Variants in SDK1 observed in about 807,000 individuals in gnomAD.
SDK1 encodes sidekick cell adhesion molecule 1, also known as protein sidekick-1.
A neutral mutation model predicts 245.5 loss-of-function variants in SDK1; 157 were observed. The observed-to-expected ratio is 0.64, with a 90% CI of 0.56 to 0.73. The LOEUF is 0.73. Among genes scored for constraint, SDK1 ranks in the 30% least tolerant of loss-of-function variants. SDK1 has a pLI of 0.00. For missense variants in SDK1, 3,583 were observed against 3,002.3 expected, an observed-to-expected ratio of 1.19 and a Z score of -4.52; for synonymous variants, 1,647 against 1,278.5, an observed-to-expected ratio of 1.29 and a Z score of -6.15.
rs190894434 is a variant in SDK1 at position 3,590,679 on chromosome 7, G to T, written c.299-28401G>T. The stretch of plus-strand genomic sequence containing the variant: ...TTTTAATAGTCTCATCCTTAGCTGC[G>T]CATTTACTTCACAAGGGAAACCTTA... On this transcript the variant is annotated intron_variant, in intron 1 of 44. Coordinates refer to ENST00000404826, the MANE Select transcript of SDK1 (RefSeq NM_152744.4). 1.3e-5 allele frequency among the ~76,000 whole-genome samples: 2 copies of T among 151,852 alleles called. 1 individual carries two copies. The highest frequency in any genetic ancestry group is 3.9e-4 in the East Asian group (2 of 5,178).
chr7:4,117,054 GAGA>G (rs951104061), intron 25 of SDK1, among the ~76,000 whole-genome samples: 3 of 152,232 alleles, frequency 2.0e-5, no homozygotes, highest in African/African-American at 7.2e-5. Flanking sequence ...GAGAGAACTT[GAGA>G]AGTTCAGAGG....
Position 3,623,532 on chromosome 7 carries a change from C to A in SDK1, c.458+4293C>A, listed in dbSNP as rs1259344709. Among the ~76,000 whole-genome samples, 22 of 152,208 alleles carry A rather than the reference C, an allele frequency of 1.4e-4. No homozygotes were observed. In the South Asian group the frequency reaches 4.4e-3, roughly 30 times the overall value. ...CTGGGATTACAGGTGTGAGCCGCTG[C>A]ACCCGGCCTCAAATGTTACATTTCA... is the stretch of plus-strand genomic sequence containing the variant. On this transcript the variant is annotated intron_variant, in intron 2 of 44. Coordinates refer to ENST00000404826, the MANE Select transcript of SDK1 (RefSeq NM_152744.4).
At chr7:3,331,982 T>C (rs1417752543) in intron 1 of SDK1, among the ~76,000 whole-genome samples, 1 of 152,224 alleles carries the variant, frequency 6.6e-6, no homozygotes, top group Non-Finnish European at 1.5e-5. Context: ...ACTACTTCAA[T>C]TTCAGAATGT....
chr7:3,634,097 G>A (rs1221616331), intron 2 of SDK1, among the ~76,000 whole-genome samples: 4 of 152,190 alleles, frequency 2.6e-5, no homozygotes, highest in Non-Finnish European at 5.9e-5. Context: ...CTGTGTCTCA[G>A]AGCTGGTACC....
At chr7:3,476,446 A>G (rs998648880) in intron 1 of SDK1, among the ~76,000 whole-genome samples, 1 of 152,206 alleles carries the variant, frequency 6.6e-6, no homozygotes, top group African/African-American at 2.4e-5. Context: ...CTAGATTATT[A>G]TGCCATTGTT....
intron 35 of SDK1, chr7:4,179,010 G>A (rs57522904): frequency 0.062 from 10,444 of 167,298 alleles, 370 homozygotes; most frequent in African/African-American, 0.064. Flanking sequence ...AGGTCTGGGA[G>A]AGCCATGTGG....
intron 4 of SDK1, among the ~76,000 whole-genome samples, chr7:3,725,469 T>C (rs1185787237): frequency 6.6e-6 from 1 of 152,190 alleles, no homozygotes; most frequent in African/African-American, 2.4e-5. Context: ...AAAAAAATTC[T>C]CTATTCATAG....
rs186547471 is a variant in SDK1, at chr7:4,022,407, T to G, written c.2602+5055T>G. On this transcript the variant is annotated intron_variant, in intron 17 of 44. Transcript: ENST00000404826. The stretch of plus-strand genomic sequence containing the variant: ...TAATAAGGCCCTTGGATTGAGCTCC[T>G]CCTGAGAAAGTATCCGAATGCCCGG... Among the ~76,000 whole-genome samples the G allele has an allele frequency of 4.6e-5, 7 of 152,254 alleles. No homozygotes were observed. In the East Asian group the frequency reaches 1.2e-3, roughly 25 times the overall value.
chr7:3,644,706 G>T (rs1333249035), intron 4 of SDK1, among the ~76,000 whole-genome samples: 2 of 146,750 alleles, frequency 1.4e-5, no homozygotes, highest in Admixed American at 1.4e-4. Context: ...CCAGAAGTTG[G>T]AGGTTGCAGT....
At chr7:3,859,300 T>TG (rs1454085800) in intron 5 of SDK1, among the ~76,000 whole-genome samples, 1 of 152,142 alleles carries the variant, frequency 6.6e-6, no homozygotes, top group Non-Finnish European at 1.5e-5. Flanking sequence ...TAGCTCCTCC[T>TG]GGGGGGCCTT....
intron 1 of SDK1, among the ~76,000 whole-genome samples, chr7:3,570,813 A>G (rs887060458): frequency 6.6e-6 from 1 of 152,034 alleles, no homozygotes; most frequent in Non-Finnish European, 1.5e-5. Context: ...GCACAAATTA[A>G]TGTTCTTTGT....
At chr7:3,889,911 CTT>C (rs1781419207) in intron 5 of SDK1, among the ~76,000 whole-genome samples, 1 of 152,194 alleles carries the variant, frequency 6.6e-6, no homozygotes, top group Non-Finnish European at 1.5e-5. Flanking sequence ...TTTGTGAACT[CTT>C]GAGAACCTTC....
At chr7:3,311,880 G>T (rs1487642137) in intron 1 of SDK1, among the ~76,000 whole-genome samples, 1 of 152,212 alleles carries the variant, frequency 6.6e-6, no homozygotes, top group Non-Finnish European at 1.5e-5. Context: ...GCCTGTGGTG[G>T]TTTCTGATCT....
At chr7:3,362,752 A>G (rs73048695) in intron 1 of SDK1, among the ~76,000 whole-genome samples, 16,713 of 152,198 alleles carry the variant, frequency 0.11, 1,040 homozygotes, top group Middle Eastern at 0.17. Context: ...TTCCCGGAAG[A>G]CATTTTCATG....
At chr7:4,130,997 C>T (rs1013989873) in intron 27 of SDK1, among the ~76,000 whole-genome samples, 5 of 152,146 alleles carry the variant, frequency 3.3e-5, no homozygotes, top group Admixed American at 1.3e-4. Context: ...ATCCTCGCCT[C>T]GCCTCACGGA....
At chr7:3,663,755 T>G (rs1037980464) in intron 4 of SDK1, among the ~76,000 whole-genome samples, 2 of 152,150 alleles carry the variant, frequency 1.3e-5, no homozygotes, top group Non-Finnish European at 1.5e-5. Context: ...TTATGTGTTG[T>G]CCCTACCACT....
At position 4,220,008 on chromosome 7, in the gene SDK1, A is replaced by G. The variant is rs964601604; in HGVS notation, c.5540-101A>G. 70 of 1,392,958 alleles carry G rather than the reference A, an allele frequency of 5.0e-5. No homozygotes were observed. The East Asian group carries it at 1.6e-3, about 32-fold the overall frequency. The allele number at this position is 1,392,958 out of a possible 1,614,324, so 86.3% of individuals were successfully genotyped here. A position where few individuals can be genotyped will look rare whatever the true frequency, so the allele number is the denominator to read the frequency against. On this transcript the variant is annotated intron_variant, in intron 38 of 44. Coordinates refer to ENST00000404826, the MANE Select transcript of SDK1 (RefSeq NM_152744.4). ...ATAGTAAGAAATACTTCCTTAGCAAACTGCAGGGACCACTTTCCTTGTTAT... is the reference window on the plus strand; with the variant it reads ...ATAGTAAGAAATACTTCCTTAGCAAGCTGCAGGGACCACTTTCCTTGTTAT...
chr7:4,007,090 G>A (rs1785538704), intron 14 of SDK1, among the ~76,000 whole-genome samples: 1 of 152,254 alleles, frequency 6.6e-6, no homozygotes, highest in African/African-American at 2.4e-5. Context: ...TGTGATGTCT[G>A]AAGGAAGAAA....
At chr7:3,692,442 A>C (rs148540625) in intron 4 of SDK1, among the ~76,000 whole-genome samples, 5 of 152,140 alleles carry the variant, frequency 3.3e-5, no homozygotes, top group African/African-American at 7.2e-5. Flanking sequence ...TCTTTAAATG[A>C]TCATTAAACA....
Sources: allele counts gnomAD v4.1 joint callset (sites outside exome capture counted in the v4.1 genomes callset), GRCh38; gene constraint gnomAD v4.1.1; transcripts MANE v1.5; gene names NCBI Gene and HGNC (gene_info 2026-07-23, HGNC 2026-07-21).